Variants in TTC7A observed in about 807,000 individuals in gnomAD.
TTC7A encodes tetratricopeptide repeat domain 7A.
TTC7A carries 110 observed loss-of-function variants against 103.7 expected under a neutral mutation model. The observed-to-expected ratio is 1.06, with a 90% CI of 0.91 to 1.24. The LOEUF is 1.24. TTC7A is among the 50% of genes most tolerant of loss of function. The pLI, the probability that TTC7A is intolerant of heterozygous loss-of-function variation, is 0.00. For missense variants in TTC7A, 1,340 were observed against 1,116.3 expected (o/e 1.20, Z -2.86); for synonymous variants, 521 against 467.9 (o/e 1.11, Z -1.47).
chr2:47,019,892 G>C (rs762541535), intron 11 of TTC7A, among the ~76,000 whole-genome samples: 3 of 152,302 alleles, frequency 2.0e-5, no homozygotes, highest in African/African-American at 7.2e-5. Flanking sequence ...TCATTAGCCA[G>C]GGGTATATTA....
intron 8 of TTC7A, among the ~76,000 whole-genome samples, chr2:47,001,056 A>T (rs1676754881): frequency 6.6e-6 from 1 of 152,160 alleles, no homozygotes; most frequent in South Asian, 2.1e-4. Context: ...TCTTGTATGC[A>T]TTGGAAAGCT....
Position 46,941,441 on chromosome 2 carries a change from C to T in TTC7A, c.-101C>T. 4 of 1,291,662 alleles carry T rather than the reference C, an allele frequency of 3.1e-6. No homozygotes were observed. Among genetic ancestry groups the T allele is most frequent in the Non-Finnish European group, 4.0e-6 (4 of 1,002,048 alleles). The allele number at this position is 1,291,662 out of a possible 1,614,324, so 80.0% of individuals were successfully genotyped here. On this transcript the variant is annotated 5_prime_UTR_variant, in exon 1 of 20. Transcript: ENST00000319190. This position sits in a 1 kb window ranked among gnomAD's most constrained non-coding sequence, Gnocchi z 4.2. ...GCCCGGGCCCCGGCTGCCGTCTGCG[C>T]CCCCGTCGACCCCGCCCGCGAGTGC... is the stretch of plus-strand genomic sequence containing the variant.
At chr2:46,993,421 CA>C (rs1449846550) in intron 5 of TTC7A, 28 bp from the exon 6 acceptor site, 2 of 1,612,186 alleles carry the variant, frequency 1.2e-6, no homozygotes, top group Non-Finnish European at 1.7e-6. Flanking sequence ...AGGCTGGTAA[CA>C]AATCTACTTC....
At chr2:47,013,828 G>C (rs1213532348) in intron 11 of TTC7A, among the ~76,000 whole-genome samples, 1 of 152,206 alleles carries the variant, frequency 6.6e-6, no homozygotes, top group Non-Finnish European at 1.5e-5. Context: ...CGAGGAGAAG[G>C]GTGAGCTGTT....
At chr2:47,060,726 C>G in intron 18 of TTC7A, 43 bp from the exon 19 acceptor site, 1 of 1,550,396 alleles carries the variant, frequency 6.4e-7, no homozygotes, top group African/African-American at 1.4e-5. Context: ...ATGCCTCTGA[C>G]TCCCCACCAC....
At chr2:47,031,673 G>A (rs1238232005) in intron 15 of TTC7A, among the ~76,000 whole-genome samples, 1 of 152,248 alleles carries the variant, frequency 6.6e-6, no homozygotes, top group South Asian at 2.1e-4. Flanking sequence ...AGCCAAGGAA[G>A]GTGATTTGTA....
At chr2:46,950,136 C>T (rs1169733279) in intron 1 of TTC7A, among the ~76,000 whole-genome samples, 1 of 152,200 alleles carries the variant, frequency 6.6e-6, no homozygotes, top group Non-Finnish European at 1.5e-5. Context: ...CATTAAACTA[C>T]AGCAGAAAAT....
intron 16 of TTC7A, chr2:47,047,432 C>A: frequency 2.6e-6 from 2 of 764,876 alleles, no homozygotes; most frequent in Non-Finnish European, 4.3e-6. Flanking sequence ...GCGGAAGCTG[C>A]CAGAAGGAGG....
upstream of TTC7A, among the ~76,000 whole-genome samples, chr2:46,939,908 T>A (rs1293663127): frequency 2.0e-5 from 3 of 152,302 alleles, no homozygotes; most frequent in Non-Finnish European, 1.5e-5. Flanking sequence ...CAGCTTCAGC[T>A]TCCCTTCATC....
intron 18 of TTC7A, 124 bp downstream of exon 18, chr2:47,052,004 A>G (rs1682900624): frequency 7.8e-7 from 1 of 1,283,342 alleles, no homozygotes; most frequent in African/African-American, 1.5e-5. Flanking sequence ...CGCGGGTTAC[A>G]GAGTCCTCGC....
At chr2:46,966,156 T>C (rs1266689020) in intron 3 of TTC7A, among the ~76,000 whole-genome samples, 2 of 151,982 alleles carry the variant, frequency 1.3e-5, no homozygotes, top group Non-Finnish European at 2.9e-5. Flanking sequence ...TCCATGTTAG[T>C]CAGGCTGGTC....
At chr2:46,970,974 T>C (rs72888531) in intron 3 of TTC7A, among the ~76,000 whole-genome samples, 19,784 of 152,270 alleles carry the variant, frequency 0.13, 1,477 homozygotes, top group African/African-American at 0.2. Context: ...AGGGACAAGG[T>C]CACTGAATCT....
chr2:47,022,036 C>T (rs1679350745), intron 12 of TTC7A, 57 bp downstream of exon 12: 4 of 1,314,042 alleles, frequency 3.0e-6, no homozygotes, highest in East Asian at 4.7e-5. Context: ...TTCCTAACTG[C>T]CTCAGAGGCA....
chr2:46,962,737 T>A (rs1457188706), intron 3 of TTC7A, among the ~76,000 whole-genome samples: 1 of 152,228 alleles, frequency 6.6e-6, no homozygotes, highest in African/African-American at 2.4e-5. Context: ...CTGCCTTGAC[T>A]CTTGGCCTTT....
intron 12 of TTC7A, among the ~76,000 whole-genome samples, chr2:47,022,667 T>C (rs185570552): frequency 6.6e-6 from 1 of 152,170 alleles, no homozygotes; most frequent in Non-Finnish European, 1.5e-5. Flanking sequence ...CAAACGCCAG[T>C]TGCTGGGAGC....
intron 2 of TTC7A, among the ~76,000 whole-genome samples, chr2:46,923,375 G>A (rs1669206902): frequency 2.6e-5 from 4 of 152,310 alleles, no homozygotes; most frequent in Middle Eastern, 3.4e-3. Context: ...CCTGGGGGCT[G>A]CCAGCCATCA....
intron 1 of TTC7A, among the ~76,000 whole-genome samples, chr2:46,944,665 C>G (rs531068915): frequency 3.9e-5 from 6 of 152,168 alleles, no homozygotes; most frequent in African/African-American, 1.4e-4. Context: ...CGAGATCAGC[C>G]CAGGCAACAT....
Position 47,074,072 on chromosome 2 carries a change from CTT to C in TTC7A, c.*150_*151del. On this transcript the variant is annotated 3_prime_UTR_variant, in exon 20 of 20. Transcript: ENST00000319190. The stretch of plus-strand genomic sequence containing the variant: ...CCTCTGCAGCTGCAGCCCTCGTTCT[CTT>C]GGCTGGGCCAAGAGGGCCTTCCTGG... 2 of 638,234 alleles carry C rather than the reference CTT, an allele frequency of 3.1e-6. No homozygotes were observed. Among genetic ancestry groups the C allele is most frequent in the Non-Finnish European group, 5.4e-6 (2 of 371,266 alleles). 39.5% of individuals were successfully genotyped at this position (638,234 alleles called of 1,614,324 possible). A position where few individuals can be genotyped will look rare whatever the true frequency, so the allele number is the denominator to read the frequency against.
intron 5 of TTC7A, among the ~76,000 whole-genome samples, chr2:46,991,660 G>A (rs751473660): frequency 1.1e-4 from 16 of 152,056 alleles, no homozygotes; most frequent in African/African-American, 2.4e-4. Context: ...TAATAATACC[G>A]GTGATAGTAT....
Sources: allele counts gnomAD v4.1 joint callset (sites outside exome capture counted in the v4.1 genomes callset), GRCh38; gene constraint gnomAD v4.1.1; non-coding constraint Gnocchi (gnomAD v3.1); transcripts MANE v1.5; gene names NCBI Gene and HGNC (gene_info 2026-07-23, HGNC 2026-07-21).